The following REPS2 variants were observed in gnomAD, a reference collection of about 807,000 sequenced individuals.
REPS2 encodes RALBP1 associated Eps domain containing 2, also known as ralBP1-associated Eps domain-containing protein 2.
A neutral mutation model predicts 53.6 loss-of-function variants in REPS2; 23 were observed. The ratio of observed to expected loss-of-function variants is 0.43; its 90% confidence interval spans 0.31 to 0.61. REPS2 has a LOEUF of 0.61. Ranked by LOEUF, REPS2 falls within the 20% of genes least tolerant of loss-of-function variation. The pLI is 0.11. For missense variants in REPS2, 446 were observed against 534.9 expected (o/e 0.83, Z 1.64); for synonymous variants, 238 against 218.6 (o/e 1.09, Z -0.78).
At chrX:17,019,151 A>G (rs12859631) in intron 2 of REPS2, among the ~76,000 whole-genome samples, 1 of 112,024 alleles carries the variant, frequency 8.9e-6, no homozygotes, top group Non-Finnish European at 1.9e-5. Flanking sequence ...ATATGGAAAA[A>G]CAAAGGATTT....
intron 2 of REPS2, among the ~76,000 whole-genome samples, chrX:17,008,117 TCATTTGA>T (rs1327240192): frequency 8.9e-6 from 1 of 112,422 alleles, no homozygotes; most frequent in Non-Finnish European, 1.9e-5. Flanking sequence ...TGATGGAGTG[TCATTTGA>T]CAGGCAGGCT....
intron 1 of REPS2, among the ~76,000 whole-genome samples, chrX:16,956,284 G>GTTTTTTTTTT (rs869259012): frequency 8.1e-5 from 2 of 24,747 alleles, no homozygotes; most frequent in Non-Finnish European, 1.2e-4. Context: ...AACCACAGCA[G>GTTTTTTTTTT]TTTTTTTTTT....
intron 13 of REPS2, among the ~76,000 whole-genome samples, chrX:17,093,166 C>A (rs868053028): frequency 3.3e-4 from 13 of 39,100 alleles, no homozygotes; most frequent in South Asian, 2.2e-3. Flanking sequence ...TGAGTTAATG[C>A]TATATATATA....
intron 6 of REPS2, among the ~76,000 whole-genome samples, chrX:17,048,217 G>T (rs2061933835): frequency 8.9e-6 from 1 of 112,338 alleles, no homozygotes; most frequent in Non-Finnish European, 1.9e-5. Flanking sequence ...TTGAAGTGTG[G>T]GCAAAGATTA....
At chrX:16,968,972 G>C (rs2060832968) in intron 1 of REPS2, among the ~76,000 whole-genome samples, 1 of 110,968 alleles carries the variant, frequency 9.0e-6, no homozygotes, top group Non-Finnish European at 1.9e-5. Context: ...TCTCAGACGG[G>C]GCGGCTGCTG....
intron 1 of REPS2, among the ~76,000 whole-genome samples, chrX:16,985,183 A>G (rs1422980566): frequency 8.9e-6 from 1 of 111,878 alleles, no homozygotes; most frequent in African/African-American, 3.3e-5. Flanking sequence ...ATCTTCCTGA[A>G]ACAGTTTAAC....
At chrX:16,959,011 C>T (rs2060628936) in intron 1 of REPS2, among the ~76,000 whole-genome samples, 1 of 112,470 alleles carries the variant, frequency 8.9e-6, no homozygotes, top group Admixed American at 9.3e-5. Flanking sequence ...GTGACTGGTT[C>T]ATCTGAGGTT....
At chrX:17,087,929 GATAGATAGATAGATA>G (rs1324637204) in intron 13 of REPS2, among the ~76,000 whole-genome samples, 2 of 33,696 alleles carry the variant, frequency 5.9e-5, no homozygotes, top group African/African-American at 2.8e-4. Context: ...TCTGTCGATA[GATAGATAGATAGATA>G]GATAGATAGA....
intron 1 of REPS2, among the ~76,000 whole-genome samples, chrX:17,000,127 T>G (rs1311771282): frequency 1.8e-5 from 2 of 110,378 alleles, no homozygotes; most frequent in East Asian, 5.6e-4. Flanking sequence ...ATCTGAACTA[T>G]GGCATCCAAT....
intron 1 of REPS2, among the ~76,000 whole-genome samples, chrX:16,955,246 A>G (rs929647514): frequency 2.7e-5 from 3 of 111,591 alleles, no homozygotes; most frequent in Admixed American, 1.9e-4. Context: ...TTGGTGGGCA[A>G]CTAATCAACC....
chrX:17,092,495 C>T (rs1273028800), intron 13 of REPS2, among the ~76,000 whole-genome samples: 1 of 110,596 alleles, frequency 9.0e-6, no homozygotes, highest in African/African-American at 3.3e-5. Flanking sequence ...ATGTGGTTTT[C>T]AGGATTGGGG....
At chrX:17,016,760 CTTTTTTTTT>C (rs139092298) in intron 2 of REPS2, among the ~76,000 whole-genome samples, 14 of 63,650 alleles carry the variant, frequency 2.2e-4, no homozygotes, top group African/African-American at 2.9e-4. Flanking sequence ...TTTCTTTTTT[CTTTTTTTTT>C]TTTTTTTTTT....
At chrX:17,099,068 C>T (rs746954404) in intron 13 of REPS2, among the ~76,000 whole-genome samples, 13 of 111,825 alleles carry the variant, frequency 1.2e-4, no homozygotes, top group South Asian at 3.8e-4. Flanking sequence ...AACTTATTAA[C>T]TGGCTTAGTC....
intron 17 of REPS2, among the ~76,000 whole-genome samples, chrX:17,141,350 ATTG>A (rs1453636860): frequency 1.8e-5 from 2 of 112,103 alleles, no homozygotes; most frequent in Admixed American, 9.4e-5. Context: ...ATTCATTTAT[ATTG>A]TTGTGTGTAT....
At chrX:16,969,939 A>G (rs905881464) in intron 1 of REPS2, among the ~76,000 whole-genome samples, 1 of 112,250 alleles carries the variant, frequency 8.9e-6, no homozygotes, top group Non-Finnish European at 1.9e-5. Flanking sequence ...ATAACCCTCT[A>G]TTTATTATTT....
intron 5 of REPS2, among the ~76,000 whole-genome samples, chrX:17,042,288 GTGGAGCTTTTCCTGGTCCTGGCTTCTACT>G (rs1011688156): frequency 1.8e-5 from 2 of 111,939 alleles, no homozygotes; most frequent in African/African-American, 6.5e-5. Flanking sequence ...GCATGCAAAA[GTGGAGCTTTTCCTGGTCCTGGCTTCTACT>G]TGGAAAGCTA....
chrX:16,986,837 G>C (rs772673075), intron 1 of REPS2, among the ~76,000 whole-genome samples: 1 of 110,425 alleles, frequency 9.1e-6, no homozygotes, highest in African/African-American at 3.3e-5. Flanking sequence ...TAGGGGGAGC[G>C]GGGGATGGTT....
chrX:17,181,753 A>G, the REPS2 span, among the ~76,000 whole-genome samples: 1 of 112,209 alleles, frequency 8.9e-6, no homozygotes, highest in South Asian at 3.7e-4. Context: ...TTGCTCCATA[A>G]TCACTCTTTC....
chrX:17,120,411 A>G (rs943337573), intron 14 of REPS2, among the ~76,000 whole-genome samples: 1 of 111,834 alleles, frequency 8.9e-6, no homozygotes, highest in Non-Finnish European at 1.9e-5. Flanking sequence ...CTGTGCCTCA[A>G]TTTCATCATC....
Sources: gnomAD v4.1 joint callset for allele counts (sites outside exome capture counted in the v4.1 genomes callset) on GRCh38, gnomAD v4.1.1 for gene constraint, MANE v1.5 for transcripts, NCBI Gene and HGNC (gene_info 2026-07-23, HGNC 2026-07-21) for gene names.